The following CTIF variants were observed in gnomAD, a reference collection of about 807,000 sequenced individuals.
The protein encoded by CTIF is CBP80/20-dependent translation initiation factor.
A neutral mutation model predicts 66.0 loss-of-function variants in CTIF; 21 were observed. That is an observed-to-expected ratio of 0.32 (90% confidence interval 0.23 to 0.46). CTIF has a LOEUF of 0.46. Ranked by LOEUF, CTIF falls within the 20% of genes least tolerant of loss-of-function variation. The pLI, the probability that CTIF is intolerant of heterozygous loss-of-function variation, is 1.00. For synonymous variants in CTIF, 345 were observed against 326.4 expected, an observed-to-expected ratio of 1.06 and a Z score of -0.62; for missense variants, 739 against 812.7, an observed-to-expected ratio of 0.91 and a Z score of 1.10.
At chr18:48,577,899 T>C (rs1020805617) in intron 1 of CTIF, among the ~76,000 whole-genome samples, 4 of 152,182 alleles carry the variant, frequency 2.6e-5, no homozygotes, top group African/African-American at 9.6e-5. Flanking sequence ...TTAAATATAT[T>C]GACGATGTTG....
intron 1 of CTIF, among the ~76,000 whole-genome samples, chr18:48,587,597 A>C (rs1304709587): frequency 6.6e-6 from 1 of 152,138 alleles, no homozygotes; most frequent in East Asian, 1.9e-4. Context: ...TTACTAATGC[A>C]TGGCATGACT....
intron 10 of CTIF, among the ~76,000 whole-genome samples, chr18:48,839,964 C>T (rs891197680): frequency 6.6e-6 from 1 of 152,128 alleles, no homozygotes; most frequent in Admixed American, 6.5e-5. Context: ...ACTCAAGTGC[C>T]TGTGTGAGCA....
chr18:48,727,211 G>A (rs1266906792), intron 7 of CTIF, among the ~76,000 whole-genome samples: 1 of 152,150 alleles, frequency 6.6e-6, no homozygotes, highest in Non-Finnish European at 1.5e-5. Context: ...GTCCATAGCA[G>A]TTCTGAAATC....
chr18:48,605,626 C>CCATCAGGA (rs1427690706), intron 1 of CTIF, among the ~76,000 whole-genome samples: 1 of 152,204 alleles, frequency 6.6e-6, no homozygotes, highest in Non-Finnish European at 1.5e-5. Context: ...ATTAGAACAG[C>CCATCAGGA]CATCAGGAGC....
At chr18:48,580,095 C>G (rs1015233920) in intron 1 of CTIF, among the ~76,000 whole-genome samples, 1 of 152,184 alleles carries the variant, frequency 6.6e-6, no homozygotes, top group Non-Finnish European at 1.5e-5. Flanking sequence ...GTTGCTTGGT[C>G]CCTGTCTGCC....
At chr18:48,853,288 G>A (rs992897622) in intron 10 of CTIF, among the ~76,000 whole-genome samples, 1 of 152,252 alleles carries the variant, frequency 6.6e-6, no homozygotes, top group South Asian at 2.1e-4. Context: ...GTAGGTGGGG[G>A]ATGGTGGCTG....
chr18:48,717,630 G>A (rs2092294871), intron 7 of CTIF, among the ~76,000 whole-genome samples: 1 of 151,954 alleles, frequency 6.6e-6, no homozygotes, highest in African/African-American at 2.4e-5. Context: ...TTAAAGGAGT[G>A]AATTTTGTAC....
intron 7 of CTIF, chr18:48,756,197 C>A (rs1050213347): frequency 6.6e-6 from 1 of 152,218 alleles, no homozygotes; most frequent in East Asian, 1.9e-4. Context: ...ACCACTCCAG[C>A]GGAGGCCCAA....
rs2128260 is a variant in CTIF at position 48,687,364 on chromosome 18, C to G, written c.507+16620C>G. 4.6e-3 allele frequency among the ~76,000 whole-genome samples: 673 copies of G among 145,498 alleles called. 6 individuals carry two copies. The highest frequency in any genetic ancestry group is 0.017 in the African/African-American group (645 of 38,314). On this transcript the variant is annotated intron_variant, in intron 6 of 11. Coordinates refer to ENST00000256413, the MANE Select transcript of CTIF (RefSeq NM_014772.3). ...CACACACACACACCAAGCTTACCAACCAGGAGATGGGCAGAGTGAGCAGAG... is the reference window on the plus strand; with the variant it reads ...CACACACACACACCAAGCTTACCAAGCAGGAGATGGGCAGAGTGAGCAGAG...
intron 2 of CTIF, among the ~76,000 whole-genome samples, chr18:48,626,262 A>C (rs1386952770): frequency 6.6e-6 from 1 of 151,870 alleles, no homozygotes; most frequent in Non-Finnish European, 1.5e-5. Flanking sequence ...CGGGCTCCTA[A>C]AGTGCTGGGA....
At chr18:48,565,046 A>T (rs1378829615) in intron 1 of CTIF, 1 of 152,146 alleles carries the variant, frequency 6.6e-6, no homozygotes, top group Non-Finnish European at 1.5e-5. Context: ...TATTAAGTCA[A>T]TTTCCTCCTT....
chr18:48,833,174 G>A (rs966636319), intron 10 of CTIF, among the ~76,000 whole-genome samples: 4 of 152,246 alleles, frequency 2.6e-5, no homozygotes, highest in African/African-American at 7.2e-5. Context: ...AGTGGAGGGC[G>A]TGGGCCAGGG....
chr18:48,557,495 G>C (rs547303402), intron 1 of CTIF, among the ~76,000 whole-genome samples: 1 of 152,356 alleles, frequency 6.6e-6, no homozygotes, highest in South Asian at 2.1e-4. Flanking sequence ...GCCGTGGAGA[G>C]ACCTGTCCTG....
At chr18:48,551,923 G>C (rs891097002) in intron 1 of CTIF, among the ~76,000 whole-genome samples, 1 of 151,860 alleles carries the variant, frequency 6.6e-6, no homozygotes, top group Non-Finnish European at 1.5e-5. Context: ...TCAGCCTCCC[G>C]AGTAGCTGGG....
chr18:48,838,368 G>A (rs1169185797), intron 10 of CTIF, among the ~76,000 whole-genome samples: 3 of 151,746 alleles, frequency 2.0e-5, no homozygotes, highest in Non-Finnish European at 4.4e-5. Context: ...AGAGTTGAGC[G>A]TGCTGGGCTG....
In CTIF at chr18:48,648,335, C is replaced by G. The variant is rs114908226; in HGVS notation, c.252+11650C>G. On this transcript the variant is annotated intron_variant, in intron 3 of 11. Transcript: ENST00000256413. ...TGAAAGGAATGGCCTTTCCCTCTCC[C>G]AGACTCAGCTTTAGTGCCACCCAGA... is the stretch of plus-strand genomic sequence containing the variant. Among the ~76,000 whole-genome samples the G allele has an allele frequency of 2.6e-3, 403 of 152,282 alleles. 3 individuals carry two copies. The highest frequency in any genetic ancestry group is 8.6e-3 in the African/African-American group (358 of 41,574).
rs146101890 is a variant in CTIF, at chr18:48,685,633, A to G, written c.507+14889A>G. On this transcript the variant is annotated intron_variant, in intron 6 of 11. Coordinates refer to ENST00000256413, the MANE Select transcript of CTIF (RefSeq NM_014772.3). Reference sequence around the variant, plus strand: ...TGATGTTGACATTGACCAACTGGTTAAGATAGTAGCTTCCAGGCCTCACTG... The same window carrying G: ...TGATGTTGACATTGACCAACTGGTTGAGATAGTAGCTTCCAGGCCTCACTG... Among the ~76,000 whole-genome samples the G allele has an allele frequency of 2.2e-3, 340 of 152,244 alleles. 1 individual carries two copies. Among genetic ancestry groups the G allele is most frequent in the African/African-American group, 7.8e-3 (326 of 41,538 alleles).
At chr18:48,599,865 G>A (rs1285977167) in intron 1 of CTIF, among the ~76,000 whole-genome samples, 2 of 152,200 alleles carry the variant, frequency 1.3e-5, no homozygotes, top group Non-Finnish European at 2.9e-5. Context: ...GATGTGATGA[G>A]CCCTAACAGA....
chr18:48,752,325 G>T (rs533845194), intron 7 of CTIF, among the ~76,000 whole-genome samples: 30 of 152,292 alleles, frequency 2.0e-4, no homozygotes, highest in Middle Eastern at 3.4e-3. Flanking sequence ...GAAGTAGCTG[G>T]CCCAGTGCTG....
Sources: gnomAD v4.1 joint callset for allele counts (sites outside exome capture counted in the v4.1 genomes callset) on GRCh38, gnomAD v4.1.1 for gene constraint, MANE v1.5 for transcripts, NCBI Gene and HGNC (gene_info 2026-07-23, HGNC 2026-07-21) for gene names.